The following ABCB5 variants were observed in gnomAD, a reference collection of about 807,000 sequenced individuals.
ABCB5 encodes ATP-binding cassette sub-family B member 5.
ABCB5 carries 155 observed loss-of-function variants against 144.2 expected under a neutral mutation model. The ratio of observed to expected loss-of-function variants is 1.08; its 90% confidence interval spans 0.94 to 1.23. The LOEUF (loss-of-function observed/expected upper bound fraction) is 1.23, where lower values mean the gene tolerates loss of function less well. ABCB5 is among the 50% of genes most tolerant of loss of function. ABCB5 has a pLI of 0.00. For synonymous variants in ABCB5, 610 were observed against 528.6 expected (o/e 1.15, Z -2.11); for missense variants, 1,830 against 1,520.8 (o/e 1.20, Z -3.38).
Position 20,753,260 on chromosome 7 carries a change from A to C in ABCB5, c.3430-100A>C, listed in dbSNP as rs1287862742. ...ATTTGTTGGGACACAAATTTTCAAG[A>C]GTAGCAAAATTTGAAATATTTAGAT... On this transcript the variant is annotated intron_variant, in intron 26 of 27. Coordinates refer to ENST00000404938, the MANE Select transcript of ABCB5 (RefSeq NM_001163941.2). 2.8e-6 allele frequency: 4 copies of C among 1,415,926 alleles called. No individual in the cohort carries two copies. In the African/African-American group the frequency reaches 5.7e-5, roughly 20 times the overall value. 87.7% of individuals were successfully genotyped at this position (1,415,926 alleles called of 1,614,324 possible).
Position 20,742,876 on chromosome 7 carries a change from G to A in ABCB5, c.3025-1G>A. 6.2e-7 allele frequency: 1 copy of A among 1,613,844 alleles called. No homozygotes were observed. Among genetic ancestry groups the A allele is most frequent in the Non-Finnish European group, 8.5e-7 (1 of 1,179,874 alleles). On this transcript the variant is annotated splice_acceptor_variant, in intron 24 of 27. Coordinates refer to ENST00000404938, the MANE Select transcript of ABCB5 (RefSeq NM_001163941.2). LOFTEE classifies it high-confidence loss of function. The stretch of plus-strand genomic sequence containing the variant: ...TCAACTCTGTCAACTTCCTTTCACA[G>A]GACACATGTGAAGGGAATTTAGAGT...
chr7:20,633,801 T>G (rs1266717923), intron 5 of ABCB5, among the ~76,000 whole-genome samples: 1 of 152,122 alleles, frequency 6.6e-6, no homozygotes, highest in South Asian at 2.1e-4. Context: ...TCTAGTATCC[T>G]CTGTTCTTCT....
intron 23 of ABCB5, among the ~76,000 whole-genome samples, chr7:20,729,490 C>T (rs1013971292): frequency 1.2e-4 from 19 of 152,170 alleles, no homozygotes; most frequent in Non-Finnish European, 7.4e-5. Flanking sequence ...AGTGAGGCTG[C>T]TTCTTCCCAA....
At chr7:20,667,637 ATC>A (rs1470108000) in intron 14 of ABCB5, 3 of 830,736 alleles carry the variant, frequency 3.6e-6, no homozygotes, top group Non-Finnish European at 4.3e-6. Context: ...AAGATTTGAG[ATC>A]TGTTTGCTTT....
chr7:20,651,035 A>G (rs1300861835), intron 12 of ABCB5, among the ~76,000 whole-genome samples: 1 of 152,192 alleles, frequency 6.6e-6, no homozygotes, highest in African/African-American at 2.4e-5. Context: ...GAGGTGTGAG[A>G]TGTTGAAATA....
chr7:20,651,802 A>C (rs760122759), intron 13 of ABCB5, 179 bp downstream of exon 13: 26 of 597,958 alleles, frequency 4.3e-5, no homozygotes, highest in Non-Finnish European at 7.5e-5. Flanking sequence ...GGTCCAACAC[A>C]AATTTGTAAA....
At chr7:20,685,558 A>T in intron 15 of ABCB5, 138 bp from the exon 16 acceptor site, 1 of 687,756 alleles carries the variant, frequency 1.5e-6, no homozygotes, top group South Asian at 2.6e-5. Context: ...CAAGCCTGAA[A>T]GCTGTTCAGC....
rs1468287450 is a variant in ABCB5, at chr7:20,704,865, G to T, written c.2421+58G>T. The T allele has an allele frequency of 5.2e-6, 7 of 1,344,334 alleles. No individual in the cohort carries two copies. In the African/African-American group the frequency reaches 5.8e-5, roughly 11 times the overall value. 83.3% of individuals were successfully genotyped at this position (1,344,334 alleles called of 1,614,324 possible). On this transcript the variant is annotated intron_variant, in intron 20 of 27. Transcript: ENST00000404938. ...TGTATGTGGTGTGCACACATGCAAT[G>T]CACACATGTGTCTGTGCATATATGT...
Position 20,709,282 on chromosome 7 carries a change from A to G in ABCB5, c.2421+4475A>G, listed in dbSNP as rs577126599. On this transcript the variant is annotated intron_variant, in intron 20 of 27. Transcript: ENST00000404938. Reference sequence around the variant, plus strand: ...CCACTTAAAAATTTACTTTGGTTTCATTCTCATTTTCATATTTTAGTTTTG... The same window carrying G: ...CCACTTAAAAATTTACTTTGGTTTCGTTCTCATTTTCATATTTTAGTTTTG... 1.0e-4 allele frequency among the ~76,000 whole-genome samples: 15 copies of G among 147,906 alleles called. 2 individuals carry two copies. The highest frequency in any genetic ancestry group is 2.0e-4 in the Non-Finnish European group (13 of 66,512).
At chr7:20,750,861 C>G (rs145653957) in intron 26 of ABCB5, among the ~76,000 whole-genome samples, 1,609 of 152,256 alleles carry the variant, frequency 0.011, 12 homozygotes, top group Non-Finnish European at 0.017. Flanking sequence ...TTTGGAAATA[C>G]AGGCCTGGGG....
intron 5 of ABCB5, chr7:20,641,721 T>C (rs1321802438): frequency 6.5e-6 from 1 of 152,680 alleles, no homozygotes. Context: ...TCAGCAAGAA[T>C]CATGAAAGGT....
chr7:20,656,019 C>T (rs1784779057), intron 13 of ABCB5, among the ~76,000 whole-genome samples: 2 of 152,036 alleles, frequency 1.3e-5, no homozygotes, highest in Admixed American at 6.6e-5. Context: ...TTTGACAAGG[C>T]GAATGGAACT....
intron 5 of ABCB5, among the ~76,000 whole-genome samples, chr7:20,639,565 G>A (rs968088668): frequency 1.3e-5 from 2 of 152,030 alleles, no homozygotes; most frequent in African/African-American, 4.8e-5. Context: ...TTTGCATGTG[G>A]CTGTCCAGTT....
intron 10 of ABCB5, 78 bp from the exon 11 acceptor site, chr7:20,647,890 C>T (rs1784457547): frequency 8.9e-7 from 1 of 1,118,998 alleles, no homozygotes; most frequent in Non-Finnish European, 1.3e-6. Flanking sequence ...AGAAAACCAT[C>T]CTTATACTAT....
At chr7:20,623,205 A>G in intron 1 of ABCB5, 60 bp from the exon 2 acceptor site, 1 of 996,152 alleles carries the variant, frequency 1.0e-6, no homozygotes. Flanking sequence ...AGAATGCTGT[A>G]TATCAACTAA....
At position 20,659,403 on chromosome 7, in the gene ABCB5, T is replaced by C. The variant is rs77525449; in HGVS notation, c.1707+727T>C. On this transcript the variant is annotated intron_variant, in intron 14 of 27. Coordinates refer to ENST00000404938, the MANE Select transcript of ABCB5 (RefSeq NM_001163941.2). ...TGGAAGTGAGTTAAGCGTTTTTTTT[T>C]CTCTAAGAAAATCGCAGGCTTCTTT... 1.4e-5 allele frequency: 16 copies of C among 1,180,058 alleles called. No homozygotes were observed. In the South Asian group the frequency reaches 4.4e-4, roughly 32 times the overall value. 73.1% of individuals were successfully genotyped at this position (1,180,058 alleles called of 1,614,324 possible).
At chr7:20,742,404 G>C (rs1562589246) in intron 24 of ABCB5, among the ~76,000 whole-genome samples, 1 of 151,898 alleles carries the variant, frequency 6.6e-6, no homozygotes, top group East Asian at 1.9e-4. Context: ...AAATAAGAAA[G>C]ATAAATCAGA....
chr7:20,713,769 T>G (rs1158654926), intron 20 of ABCB5, among the ~76,000 whole-genome samples: 1 of 149,658 alleles, frequency 6.7e-6, no homozygotes, highest in Non-Finnish European at 1.5e-5. Context: ...TCAGAAGGTT[T>G]TCCAGTCTGG....
intron 15 of ABCB5, among the ~76,000 whole-genome samples, chr7:20,682,914 T>C (rs534351245): frequency 2.0e-5 from 3 of 152,248 alleles, no homozygotes; most frequent in Non-Finnish European, 2.9e-5. Context: ...AACTTTCTCA[T>C]TAGGGCACAT....
Sources: gnomAD v4.1 joint callset for allele counts (sites outside exome capture counted in the v4.1 genomes callset) on GRCh38, gnomAD v4.1.1 for gene constraint, MANE v1.5 for transcripts, NCBI Gene and HGNC (gene_info 2026-07-23, HGNC 2026-07-21) for gene names.